Variants in KIF3B observed in about 807,000 individuals in gnomAD.
KIF3B encodes the protein kinesin-like protein KIF3B.
Under a neutral mutation model 74.3 loss-of-function variants are expected in KIF3B, and 38 were observed. The observed-to-expected ratio is 0.51, with a 90% CI of 0.39 to 0.67. The LOEUF (loss-of-function observed/expected upper bound fraction) is 0.67, where lower values mean the gene tolerates loss of function less well. KIF3B is among the 30% of genes least tolerant of loss of function. KIF3B has a pLI of 0.00. For synonymous variants in KIF3B, 326 were observed against 342.5 expected (o/e 0.95, Z 0.53); for missense variants, 649 against 932.0 (o/e 0.70, Z 3.95).
chr20:32,320,035 T>C (rs1029136094), intron 5 of KIF3B, among the ~76,000 whole-genome samples: 3 of 150,758 alleles, frequency 2.0e-5, no homozygotes, highest in Admixed American at 2.0e-4. Flanking sequence ...GCTGGGACTA[T>C]AGGCATGTGC....
At chr20:32,294,812 A>G (rs947488548) in intron 1 of KIF3B, among the ~76,000 whole-genome samples, 2 of 152,340 alleles carry the variant, frequency 1.3e-5, no homozygotes, top group African/African-American at 4.8e-5. Context: ...GCATCTGCAC[A>G]TGTGCCTGTA....
At chr20:32,312,108 TTTTC>T (rs1227228094) in intron 2 of KIF3B, among the ~76,000 whole-genome samples, 5 of 143,064 alleles carry the variant, frequency 3.5e-5, no homozygotes, top group South Asian at 2.3e-4. Context: ...CGGCTTTTTT[TTTTC>T]TTTCTTTCTT....
intron 1 of KIF3B, among the ~76,000 whole-genome samples, chr20:32,284,747 C>T (rs2047659607): frequency 6.6e-6 from 1 of 152,214 alleles, no homozygotes; most frequent in African/African-American, 2.4e-5. Context: ...GTTTGAGATG[C>T]TCTCACCTAG....
intron 1 of KIF3B, among the ~76,000 whole-genome samples, chr20:32,278,993 A>G (rs993985389): frequency 7.1e-6 from 1 of 141,806 alleles, no homozygotes; most frequent in African/African-American, 2.6e-5. Flanking sequence ...GCGCGATCTC[A>G]GCTCACTGCA....
At chr20:32,298,362 G>A (rs1187717606) in intron 1 of KIF3B, among the ~76,000 whole-genome samples, 4 of 152,172 alleles carry the variant, frequency 2.6e-5, no homozygotes, top group Admixed American at 1.3e-4. Flanking sequence ...CCAGGGAGGC[G>A]GAGGTTGCAG....
chr20:32,285,388 A>G (rs1401750218), intron 1 of KIF3B, among the ~76,000 whole-genome samples: 1 of 152,224 alleles, frequency 6.6e-6, no homozygotes, highest in Non-Finnish European at 1.5e-5. Flanking sequence ...AAAGTCCCAT[A>G]TAACACCTGC....
chr20:32,303,133 C>T lies in KIF3B; in HGVS notation c.-65-6580C>T, dbSNP rs1306274256. Among the ~76,000 whole-genome samples the T allele has an allele frequency of 7.9e-5, 12 of 152,322 alleles. No individual in the cohort carries two copies. The South Asian group carries it at 2.3e-3, about 29-fold the overall frequency. ...CCCTTGATCTAGAAGATAATGACTA[C>T]ATTCCTGAAGGGCTTCCTTTTGCAT... On this transcript the variant is annotated intron_variant, in intron 1 of 8. Coordinates refer to ENST00000375712, the MANE Select transcript of KIF3B (RefSeq NM_004798.4).
In KIF3B at chr20:32,331,334, C is replaced by G. The variant is rs1174706029; in HGVS notation, c.*15C>G. 3 of 1,592,114 alleles carry G rather than the reference C, an allele frequency of 1.9e-6. No homozygotes were observed. Among genetic ancestry groups the G allele is most frequent in the East Asian group, 2.2e-5 (1 of 44,674 alleles). ...TTCCAAAGTAAAGCCAGCTTCTCCT[C>G]TCCCAGGGCGGAAACAGCATTTGCC... On this transcript the variant is annotated 3_prime_UTR_variant, in exon 9 of 9. Coordinates refer to ENST00000375712, the MANE Select transcript of KIF3B (RefSeq NM_004798.4).
intron 1 of KIF3B, among the ~76,000 whole-genome samples, chr20:32,304,970 G>A (rs2047762398): frequency 6.6e-6 from 1 of 151,444 alleles, no homozygotes; most frequent in Non-Finnish European, 1.5e-5. Context: ...GCAAAACCCT[G>A]TCTCTACTAA....
intron 2 of KIF3B, among the ~76,000 whole-genome samples, chr20:32,313,007 T>C (rs1454028074): frequency 1.3e-5 from 2 of 152,192 alleles, no homozygotes; most frequent in Admixed American, 6.5e-5. Flanking sequence ...TTACACAAGA[T>C]AAGGAACACT....
At chr20:32,322,835 T>TA (rs1229487053) in intron 5 of KIF3B, among the ~76,000 whole-genome samples, 36 of 78,470 alleles carry the variant, frequency 4.6e-4, no homozygotes, top group African/African-American at 1.7e-3. Context: ...TATGTATATT[T>TA]TTATATATTT....
chr20:32,315,767 T>C (rs1426142976), intron 2 of KIF3B, among the ~76,000 whole-genome samples: 2 of 152,054 alleles, frequency 1.3e-5, no homozygotes, highest in East Asian at 1.9e-4. Flanking sequence ...TCAGTGTGCC[T>C]CTCCCATGAA....
In KIF3B at chr20:32,330,189, A is replaced by G. The variant is rs776583931; in HGVS notation, c.2017A>G (p.Arg673Gly). 7.4e-6 allele frequency: 12 copies of G among 1,614,018 alleles called. No homozygotes were observed. The highest frequency in any genetic ancestry group is 1.6e-4 in the Middle Eastern group (1 of 6,084). ...GCTGGACATGCCCAGCCGGACCACC[A>G]GAGACTATGAGGGTCCAGCCATTGC... Reference protein sequence around the residue: ...LELDMPSRTTRDYEGPAIAPK... With the variant: ...LELDMPSRTTGDYEGPAIAPK... Residue 673 changes from arginine to glycine, a missense_variant, in exon 8 of 9, where the codon AGA (arginine) becomes GGA (glycine). By Grantham distance (125) the Arg-to-Gly change is moderately radical (BLOSUM62 -2). Around this residue, in one of 4 missense-constraint regions of KIF3B, gnomAD observed 186 missense variants for 198.5 expected, o/e 0.94. Transcript: ENST00000375712.
chr20:32,280,532 G>A (rs909476913), intron 1 of KIF3B, among the ~76,000 whole-genome samples: 10 of 144,936 alleles, frequency 6.9e-5, no homozygotes, highest in South Asian at 2.2e-4. Flanking sequence ...GGCTAGCACA[G>A]TGAAACCCCA....
chr20:32,279,216 C>G (rs538729583), intron 1 of KIF3B, among the ~76,000 whole-genome samples: 93 of 152,170 alleles, frequency 6.1e-4, no homozygotes, highest in Middle Eastern at 3.4e-3. Flanking sequence ...AGCCACCACA[C>G]CCAGTCATTG....
At chr20:32,317,310 G>A (rs908593420) in intron 5 of KIF3B, among the ~76,000 whole-genome samples, 2 of 152,112 alleles carry the variant, frequency 1.3e-5, no homozygotes, top group East Asian at 1.9e-4. Flanking sequence ...GTTCATTCCT[G>A]AAAAAGTCAC....
At chr20:32,292,903 G>A (rs2047700100) in intron 1 of KIF3B, among the ~76,000 whole-genome samples, 1 of 152,192 alleles carries the variant, frequency 6.6e-6, no homozygotes, top group African/African-American at 2.4e-5. Context: ...AGTACTGTTT[G>A]CAGTAGCAAA....
intron 1 of KIF3B, among the ~76,000 whole-genome samples, chr20:32,301,044 G>T (rs767433411): frequency 6.7e-6 from 1 of 150,038 alleles, no homozygotes; most frequent in Admixed American, 6.7e-5. Context: ...TAAATTTTTG[G>T]TGGAGATGGA....
chr20:32,278,511 A>T (rs1426276866), intron 1 of KIF3B, among the ~76,000 whole-genome samples: 3 of 152,098 alleles, frequency 2.0e-5, no homozygotes, highest in African/African-American at 7.2e-5. Context: ...GGGACAGGTA[A>T]GGTGTAGGTG....
Sources: gnomAD v4.1 joint callset for allele counts (sites outside exome capture counted in the v4.1 genomes callset) on GRCh38, gnomAD v4.1.1 for gene constraint, gnomAD v4.1.1 regional missense constraint, MANE v1.5 for transcripts, NCBI Gene and HGNC (gene_info 2026-07-23, HGNC 2026-07-21) for gene names.